Variants in PCDH9 observed in about 807,000 individuals in gnomAD.
The protein encoded by PCDH9 is protocadherin 9.
PCDH9 carries 24 observed loss-of-function variants against 70.6 expected under a neutral mutation model. The observed-to-expected ratio is 0.34, with a 90% confidence interval of 0.25 to 0.48. The LOEUF is 0.48. Ranked by LOEUF, PCDH9 falls within the 20% of genes least tolerant of loss-of-function variation. The pLI is 0.99. For missense variants in PCDH9, 1,281 were observed against 1,503.6 expected (o/e 0.85, Z 2.45); for synonymous variants, 562 against 558.5 (o/e 1.01, Z -0.09).
At chr13:67,066,820 A>G (rs1319976018) in intron 2 of PCDH9, among the ~76,000 whole-genome samples, 1 of 152,178 alleles carries the variant, frequency 6.6e-6, no homozygotes, top group Admixed American at 6.6e-5. Context: ...TTTCCTGTAT[A>G]ACCAATTCCA....
intron 3 of PCDH9, among the ~76,000 whole-genome samples, chr13:66,762,052 T>G (rs925989395): frequency 1.3e-5 from 2 of 152,058 alleles, no homozygotes; most frequent in African/African-American, 2.4e-5. Flanking sequence ...TGTCCAGAGA[T>G]TCTGGGCAGG....
At chr13:66,827,035 C>G (rs116587157) in intron 3 of PCDH9, among the ~76,000 whole-genome samples, 1 of 152,058 alleles carries the variant, frequency 6.6e-6, no homozygotes, top group African/African-American at 2.4e-5. Flanking sequence ...GTGGAATATA[C>G]TTGTAGTCAT....
chr13:66,756,962 A>C (rs1448073994), intron 3 of PCDH9, among the ~76,000 whole-genome samples: 1 of 151,992 alleles, frequency 6.6e-6, no homozygotes, highest in Non-Finnish European at 1.5e-5. Flanking sequence ...TCAGCCTCCC[A>C]AGTAGCTGGG....
intron 3 of PCDH9, among the ~76,000 whole-genome samples, chr13:66,878,749 G>T (rs2081867654): frequency 6.6e-6 from 1 of 152,074 alleles, no homozygotes; most frequent in African/African-American, 2.4e-5. Flanking sequence ...ATAAACAAAG[G>T]TATCTGCAAA....
chr13:66,617,817 GC>G (rs1169447639), intron 4 of PCDH9, among the ~76,000 whole-genome samples: 4 of 152,126 alleles, frequency 2.6e-5, no homozygotes, highest in African/African-American at 9.7e-5. Flanking sequence ...GGCCCCATCT[GC>G]CGGGAACCCT....
intron 4 of PCDH9, among the ~76,000 whole-genome samples, chr13:66,620,368 T>C (rs1172627388): frequency 6.6e-6 from 1 of 152,200 alleles, no homozygotes; most frequent in Admixed American, 6.5e-5. Flanking sequence ...TTAAAGACCA[T>C]GTTGACACTA....
chr13:66,989,544 T>G (rs2139794017), intron 2 of PCDH9, among the ~76,000 whole-genome samples: 1 of 152,034 alleles, frequency 6.6e-6, no homozygotes, highest in South Asian at 2.1e-4. Context: ...GAAATAGCAC[T>G]TTATGAAATT....
At chr13:67,023,023 C>G (rs1016630531) in intron 2 of PCDH9, among the ~76,000 whole-genome samples, 1 of 152,306 alleles carries the variant, frequency 6.6e-6, no homozygotes, top group Middle Eastern at 3.4e-3. Flanking sequence ...CAAATCAAAC[C>G]AATCACTGCA....
intron 3 of PCDH9, among the ~76,000 whole-genome samples, chr13:66,762,675 G>T (rs903409122): frequency 4.6e-5 from 7 of 151,886 alleles, no homozygotes; most frequent in Non-Finnish European, 1.5e-5. Flanking sequence ...TGATGTTTTG[G>T]TTGGGAGAAT....
At position 66,491,354 on chromosome 13, in the gene PCDH9, T is replaced by TG. The variant is rs1959028628; in HGVS notation, c.3340+139855dup. Among the ~76,000 whole-genome samples, 3 of 141,004 alleles carry TG rather than the reference T, an allele frequency of 2.1e-5. No homozygotes were observed. The South Asian group carries it at 7.2e-4, about 34-fold the overall frequency. 92.5% of individuals were successfully genotyped at this position (141,004 alleles called of 152,430 possible). A position where few individuals can be genotyped will look rare whatever the true frequency, so the allele number is the denominator to read the frequency against. On this transcript the variant is annotated intron_variant, in intron 4 of 4. Transcript: ENST00000377865. ...ACGGAACAGATTTTGGCCAAGGAAATGGTGTGTGTGTTGGGTGAGGGCAGG... is the reference window on the plus strand; with the variant it reads ...ACGGAACAGATTTTGGCCAAGGAAATGGGTGTGTGTGTTGGGTGAGGGCAGG...
chr13:66,703,427 C>T (rs2078672461), intron 3 of PCDH9, among the ~76,000 whole-genome samples: 1 of 152,068 alleles, frequency 6.6e-6, no homozygotes, highest in Non-Finnish European at 1.5e-5. Context: ...ACCTAATGAA[C>T]TTTAGTTAAT....
In PCDH9 at chr13:66,500,879, C is replaced by A. The variant is rs1340047559; in HGVS notation, c.3340+130331G>T. On this transcript the variant is annotated intron_variant, in intron 4 of 4. Transcript: ENST00000377865. The stretch of plus-strand genomic sequence containing the variant: ...GAAATACACTCTCCGTATGTCAGGG[C>A]AATTACTTGCCCTTTTTCCCTATAT... Among the ~76,000 whole-genome samples the A allele has an allele frequency of 2.0e-5, 3 of 152,138 alleles. No individual in the cohort carries two copies. The East Asian group carries it at 5.8e-4, about 29-fold the overall frequency.
At chr13:66,449,290 T>C (rs763096625) in intron 4 of PCDH9, among the ~76,000 whole-genome samples, 7 of 152,232 alleles carry the variant, frequency 4.6e-5, no homozygotes, top group Non-Finnish European at 8.8e-5. Flanking sequence ...CATTTCAGGA[T>C]TAAATGTGCC....
intron 2 of PCDH9, chr13:67,216,266 T>G (rs1265948697): frequency 6.6e-6 from 1 of 152,086 alleles, no homozygotes; most frequent in African/African-American, 2.4e-5. Context: ...CAACATATTT[T>G]GCTACCACTG....
At chr13:67,077,307 C>T (rs2085896504) in intron 2 of PCDH9, among the ~76,000 whole-genome samples, 1 of 152,166 alleles carries the variant, frequency 6.6e-6, no homozygotes, top group Admixed American at 6.6e-5. Flanking sequence ...TTTACAGGGC[C>T]TTTGCCCTTA....
chr13:66,418,994 A>G (rs1250181200), intron 4 of PCDH9, among the ~76,000 whole-genome samples: 1 of 152,160 alleles, frequency 6.6e-6, no homozygotes, highest in East Asian at 1.9e-4. Context: ...TCTAGAAGAA[A>G]TGGATATATT....
At chr13:66,827,436 G>A (rs1275001239) in intron 3 of PCDH9, among the ~76,000 whole-genome samples, 2 of 151,656 alleles carry the variant, frequency 1.3e-5, no homozygotes, top group Admixed American at 6.6e-5. Flanking sequence ...ACTATAGAAG[G>A]ATAATAGTGA....
chr13:66,918,385 C>T (rs1180868676), intron 2 of PCDH9, among the ~76,000 whole-genome samples: 2 of 151,138 alleles, frequency 1.3e-5, no homozygotes, highest in Non-Finnish European at 3.0e-5. Context: ...CTTCTTATAA[C>T]CAGAAGTGTG....
chr13:67,066,139 A>C (rs2085642779), intron 2 of PCDH9, among the ~76,000 whole-genome samples: 1 of 152,144 alleles, frequency 6.6e-6, no homozygotes, highest in Non-Finnish European at 1.5e-5. Context: ...TGTTTCTCAT[A>C]GTATTTTTTA....
Sources: allele counts gnomAD v4.1 joint callset (sites outside exome capture counted in the v4.1 genomes callset), GRCh38; gene constraint gnomAD v4.1.1; transcripts MANE v1.5; gene names NCBI Gene and HGNC (gene_info 2026-07-23, HGNC 2026-07-21).